The following TBC1D30 variants were observed in gnomAD, a reference collection of about 807,000 sequenced individuals.
TBC1D30 encodes the protein TBC1 domain family, member 30.
In TBC1D30, 31 loss-of-function variants were observed where a neutral mutation model predicts 63.2. The observed-to-expected ratio is 0.49, with a 90% confidence interval of 0.37 to 0.66. The LOEUF is 0.66. TBC1D30 is among the 30% of genes least tolerant of loss of function. The probability of loss-of-function intolerance (pLI) is 0.00; values close to 1 mark genes in which losing one functional copy is unlikely to be tolerated. For missense variants in TBC1D30, 810 were observed against 953.6 expected (o/e 0.85, Z 1.98); for synonymous variants, 307 against 361.5 (o/e 0.85, Z 1.71).
intron 8 of TBC1D30, among the ~76,000 whole-genome samples, chr12:64,856,534 T>C (rs1452293429): frequency 6.6e-6 from 1 of 152,210 alleles, no homozygotes; most frequent in Non-Finnish European, 1.5e-5. Context: ...CTGAAACATG[T>C]GGAGTCTCTT....
At chr12:64,782,003 A>C (rs1182471488) in intron 1 of TBC1D30, among the ~76,000 whole-genome samples, 2 of 151,840 alleles carry the variant, frequency 1.3e-5, no homozygotes, top group Non-Finnish European at 2.9e-5. Flanking sequence ...CTTGGCTTTC[A>C]GGGAGAGAGG....
At chr12:64,786,667 C>G (rs1871605040) in intron 2 of TBC1D30, among the ~76,000 whole-genome samples, 1 of 151,784 alleles carries the variant, frequency 6.6e-6, no homozygotes, top group African/African-American at 2.4e-5. Flanking sequence ...AACAGCATCA[C>G]TGGCTGGGTG....
chr12:64,784,529 G>C (rs1025464505), intron 1 of TBC1D30, among the ~76,000 whole-genome samples: 5 of 150,440 alleles, frequency 3.3e-5, no homozygotes, highest in African/African-American at 1.2e-4. Flanking sequence ...AACCTCTAAT[G>C]GGGGGCTAGC....
chr12:64,880,090 T>C lies in TBC1D30; in HGVS notation c.*4302T>C, dbSNP rs552733206. 2 of 152,330 alleles carry C rather than the reference T, an allele frequency of 1.3e-5. No homozygotes were observed. The highest frequency in any genetic ancestry group is 1.9e-4 in the East Asian group (1 of 5,176). 9.4% of individuals were successfully genotyped at this position (152,330 alleles called of 1,614,324 possible). A position where few individuals can be genotyped will look rare whatever the true frequency, so the allele number is the denominator to read the frequency against. ...ATTTGGACCATTGAAGTGGGAGTTA[T>C]CTGTTATCCACATCAGGCAGCTCAG... On this transcript the variant is annotated 3_prime_UTR_variant, in exon 12 of 12. Coordinates refer to ENST00000539867, the MANE Select transcript of TBC1D30 (RefSeq NM_015279.2).
rs557276792 is a variant in TBC1D30 at position 64,851,502 on chromosome 12, T to C, written c.1038+8017T>C. ...TATCCAGTTTGCCAGTCTGTGTCTT[T>C]TAATTGGGGCATTTAGCCCATTTAC... is the stretch of plus-strand genomic sequence containing the variant. On this transcript the variant is annotated intron_variant, in intron 8 of 11. Transcript: ENST00000539867. 3.3e-5 allele frequency among the ~76,000 whole-genome samples: 5 copies of C among 152,358 alleles called. No individual in the cohort carries two copies. In the South Asian group the frequency reaches 1.0e-3, roughly 32 times the overall value.
chr12:64,832,298 C>A lies in TBC1D30; in HGVS notation c.588C>A (p.Ala196=). ...LEVMEGNEGD[A]LKIMIYLIDK... is the part of the protein sequence containing the mutation. The stretch of plus-strand genomic sequence containing the variant: ...TGATGGAAGGCAATGAAGGGGATGC[C>A]CTGAAAGTGAGTAGCAGGCTCTGAC... The change falls in exon 5 of 12, where the codon GCC becomes GCA. Residue 196 remains alanine (A), a synonymous_variant. Transcript: ENST00000539867. 1 of 1,535,416 alleles carries A rather than the reference C, an allele frequency of 6.5e-7. No individual in the cohort carries two copies. Among genetic ancestry groups the A allele is most frequent in the Non-Finnish European group, 8.7e-7 (1 of 1,146,432 alleles).
intron 1 of TBC1D30, among the ~76,000 whole-genome samples, chr12:64,764,453 A>G (rs533222823): frequency 2.6e-5 from 4 of 152,330 alleles, no homozygotes; most frequent in African/African-American, 9.6e-5. Context: ...CAAAACTTCC[A>G]TCTCTGGCCA....
At chr12:64,800,105 C>CAAACAAAACA (rs753762882) in intron 2 of TBC1D30, among the ~76,000 whole-genome samples, 1 of 152,084 alleles carries the variant, frequency 6.6e-6, no homozygotes, top group African/African-American at 2.4e-5. Flanking sequence ...GACTCCCTCT[C>CAAACAAAACA]AAACAAAACA....
Position 64,830,465 on chromosome 12 carries a change from A to G in TBC1D30, c.371A>G (p.Asn124Ser). Residue 124 changes from asparagine (N) to serine (S), a missense_variant, in exon 4 of 12, where the codon AAT becomes AGT. This residue lies in a region of TBC1D30 where 272 missense variants were observed against 335.9 expected (regional missense o/e 0.81). Transcript: ENST00000539867. Reference protein sequence around the residue: ...TMRFTFNERSNPDDDSMGIQI... With the variant: ...TMRFTFNERSSPDDDSMGIQI... Reference sequence around the variant, plus strand: ...CGCTTCACTTTCAATGAAAGGAGTAATCCTGATGATGACTCCATGGGAATT... The same window carrying G: ...CGCTTCACTTTCAATGAAAGGAGTAGTCCTGATGATGACTCCATGGGAATT... 6.5e-7 allele frequency: 1 copy of G among 1,535,620 alleles called. No homozygotes were observed. The highest frequency in any genetic ancestry group is 8.7e-7 in the Non-Finnish European group (1 of 1,146,572).
In TBC1D30 at chr12:64,877,089, C is replaced by A. The variant is rs1189628559; in HGVS notation, c.*1301C>A. On this transcript the variant is annotated 3_prime_UTR_variant, in exon 12 of 12. Transcript: ENST00000539867. ...CTAAAATCCCTCCTGACTCAAAGGA[C>A]CTGTCTCCAGATGGTACAGAGTCCC... 3 of 357,308 alleles carry A rather than the reference C, an allele frequency of 8.4e-6. No homozygotes were observed. The highest frequency in any genetic ancestry group is 2.1e-5 in the African/African-American group (1 of 47,082). 22.1% of individuals were successfully genotyped at this position (357,308 alleles called of 1,614,324 possible).
chr12:64,857,037 AGCCTGG>A, intron 8 of TBC1D30, among the ~76,000 whole-genome samples: 3 of 151,844 alleles, frequency 2.0e-5, no homozygotes, highest in Non-Finnish European at 4.4e-5. Context: ...GCTGTCCAAG[AGCCTGG>A]GCCTGGACTC....
intron 1 of TBC1D30, among the ~76,000 whole-genome samples, chr12:64,826,069 C>CT (rs75131281): frequency 5.9e-4 from 88 of 150,094 alleles, no homozygotes; most frequent in East Asian, 3.7e-3. Flanking sequence ...TCCTTTACCT[C>CT]TTTTTTTTTT....
chr12:64,838,054 A>G (rs1409844627), intron 6 of TBC1D30, among the ~76,000 whole-genome samples: 1 of 152,222 alleles, frequency 6.6e-6, no homozygotes. Flanking sequence ...ATATATACTG[A>G]TCACATAAAG....
At chr12:64,772,230 T>G (rs537843939) in intron 1 of TBC1D30, among the ~76,000 whole-genome samples, 1 of 127,258 alleles carries the variant, frequency 7.9e-6, no homozygotes, top group African/African-American at 3.1e-5. Context: ...AGAGTGAAAC[T>G]CTGTCTCAAA....
At chr12:64,868,994 CAG>C (rs1003081226) in intron 10 of TBC1D30, among the ~76,000 whole-genome samples, 1 of 151,342 alleles carries the variant, frequency 6.6e-6, no homozygotes, top group African/African-American at 2.4e-5. Flanking sequence ...TTTTTCTAAA[CAG>C]AATAGAATTC....
At chr12:64,810,556 T>C (rs572347886) in intron 2 of TBC1D30, among the ~76,000 whole-genome samples, 78 of 152,124 alleles carry the variant, frequency 5.1e-4, no homozygotes, top group African/African-American at 1.6e-3. Flanking sequence ...TGAGCCAAGA[T>C]GGTGCCACTG....
In TBC1D30 at chr12:64,876,533, T is replaced by C. The variant is rs959519877; in HGVS notation, c.*745T>C. The C allele has an allele frequency of 6.6e-6, 2 of 304,956 alleles. No individual in the cohort carries two copies. The highest frequency in any genetic ancestry group is 2.2e-5 in the African/African-American group (1 of 46,262). The allele number at this position is 304,956 out of a possible 1,614,324, so 18.9% of individuals were successfully genotyped here. ...CTTGCTCGCGCCACTGAGCTTTTCC[T>C]GAGGTTTGTGTTCGCCTCTCAAGGA... On this transcript the variant is annotated 3_prime_UTR_variant, in exon 12 of 12. Coordinates refer to ENST00000539867, the MANE Select transcript of TBC1D30 (RefSeq NM_015279.2).
chr12:64,817,297 C>T (rs983474670), intron 2 of TBC1D30, among the ~76,000 whole-genome samples: 10 of 152,152 alleles, frequency 6.6e-5, no homozygotes, highest in African/African-American at 2.4e-4. Context: ...CTGCTTTATG[C>T]CATGACTTTC....
At chr12:64,803,775 T>G (rs1872715094) in intron 2 of TBC1D30, among the ~76,000 whole-genome samples, 1 of 152,226 alleles carries the variant, frequency 6.6e-6, no homozygotes, top group East Asian at 1.9e-4. Flanking sequence ...CCATTTCTTG[T>G]TTTTGTCAGG....
Sources: allele counts gnomAD v4.1 joint callset (sites outside exome capture counted in the v4.1 genomes callset), GRCh38; gene constraint gnomAD v4.1.1; regional missense constraint gnomAD v4.1.1; transcripts MANE v1.5; gene names NCBI Gene and HGNC (gene_info 2026-07-23, HGNC 2026-07-21).